Variants in LRP5 observed in about 807,000 individuals in gnomAD.
LRP5 encodes the protein LDL receptor related protein 5, also known as low-density lipoprotein receptor-related protein 5.
Under a neutral mutation model 154.1 loss-of-function variants are expected in LRP5, and 62 were observed. That is an observed-to-expected ratio of 0.40 (90% CI 0.33 to 0.50). LRP5 has a LOEUF of 0.50. Among genes scored for constraint, LRP5 ranks in the 20% least tolerant of loss-of-function variants. The probability of loss-of-function intolerance (pLI) is 0.55; values close to 1 mark genes in which losing one functional copy is unlikely to be tolerated. For missense variants in LRP5, 1,915 were observed against 2,336.7 expected (o/e 0.82, Z 3.72); for synonymous variants, 966 against 1,011.5 (o/e 0.96, Z 0.85).
chr11:68,317,661 C>T (rs1417502589), intron 1 of LRP5, among the ~76,000 whole-genome samples: 1 of 152,240 alleles, frequency 6.6e-6, no homozygotes, highest in Non-Finnish European at 1.5e-5. Flanking sequence ...CTGCCCATTC[C>T]CCAGCCCCAT....
chr11:68,313,772 T>A (rs1830088968), intron 1 of LRP5, among the ~76,000 whole-genome samples: 1 of 152,262 alleles, frequency 6.6e-6, no homozygotes, highest in South Asian at 2.1e-4. Context: ...GCTCCTGTTC[T>A]GTTTGTGGCA....
Position 68,354,049 on chromosome 11 carries a change from A to T in LRP5, c.489-3601A>T, listed in dbSNP as rs540649266. Among the ~76,000 whole-genome samples, 8 of 152,320 alleles carry T rather than the reference A, an allele frequency of 5.3e-5. No homozygotes were observed. The East Asian group carries it at 1.5e-3, about 29-fold the overall frequency. ...ATGGGAGGAGTCCCCGGCCTGTACC[A>T]GCCTGACAAGGGGCTGCAGTGGCCC... On this transcript the variant is annotated intron_variant, in intron 2 of 22. Coordinates refer to ENST00000294304, the MANE Select transcript of LRP5 (RefSeq NM_002335.4).
chr11:68,318,971 C>A (rs867945530), intron 1 of LRP5, among the ~76,000 whole-genome samples: 23 of 152,320 alleles, frequency 1.5e-4, no homozygotes, highest in African/African-American at 5.5e-4. Context: ...GTTTTTTCTC[C>A]CTTCAGGATC....
intron 1 of LRP5, among the ~76,000 whole-genome samples, chr11:68,325,047 C>T (rs145933278): frequency 3.9e-5 from 6 of 152,326 alleles, no homozygotes; most frequent in African/African-American, 1.4e-4. Context: ...GACCACAGAC[C>T]TCCTCCATCA....
chr11:68,304,864 G>GC, the LRP5 span, among the ~76,000 whole-genome samples: 1 of 152,214 alleles, frequency 6.6e-6, no homozygotes, highest in African/African-American at 2.4e-5. Context: ...TAATGCCTAT[G>GC]CCCCCATTGT....
At chr11:68,299,231 G>C in the LRP5 span, among the ~76,000 whole-genome samples, 2 of 152,194 alleles carry the variant, frequency 1.3e-5, no homozygotes, top group African/African-American at 4.8e-5. Context: ...TGGAGGGAAG[G>C]GGCACGTGGA....
chr11:68,427,571 T>G (rs746823642), intron 16 of LRP5, among the ~76,000 whole-genome samples: 9 of 151,718 alleles, frequency 5.9e-5, no homozygotes, highest in Non-Finnish European at 1.0e-4. Flanking sequence ...TCCCAGCTAC[T>G]GGGGAGGCTG....
rs375609680 is a variant in LRP5 at position 68,399,229 on chromosome 11, G to A, written c.1585-4254G>A. Reference sequence around the variant, plus strand: ...AAAAATATATATTTAAAAAGTATTGGGTGTGGTGGCTCACGCCTGTGGTCC... The same window carrying A: ...AAAAATATATATTTAAAAAGTATTGAGTGTGGTGGCTCACGCCTGTGGTCC... On this transcript the variant is annotated intron_variant, in intron 7 of 22. Transcript: ENST00000294304. Among the ~76,000 whole-genome samples, 3 of 151,834 alleles carry A rather than the reference G, an allele frequency of 2.0e-5. No homozygotes were observed. The South Asian group carries it at 6.2e-4, about 32-fold the overall frequency.
intron 1 of LRP5, among the ~76,000 whole-genome samples, chr11:68,329,009 T>G (rs1406899820): frequency 6.6e-6 from 1 of 152,120 alleles, no homozygotes; most frequent in Non-Finnish European, 1.5e-5. Flanking sequence ...TTCCCACACG[T>G]GTGCATGCAC....
chr11:68,425,617 G>A (rs943274512), intron 15 of LRP5, among the ~76,000 whole-genome samples: 1 of 152,234 alleles, frequency 6.6e-6, no homozygotes. Flanking sequence ...TAGGCTGCGA[G>A]GGCTGGAGAG....
At position 68,366,611 on chromosome 11, in the gene LRP5, G is replaced by A. The variant is rs538179453; in HGVS notation, c.1015+909G>A. Among the ~76,000 whole-genome samples, 12 of 152,246 alleles carry A rather than the reference G, an allele frequency of 7.9e-5. No individual in the cohort carries two copies. In the East Asian group the frequency reaches 1.9e-3, roughly 24 times the overall value. On this transcript the variant is annotated intron_variant, in intron 5 of 22. Coordinates refer to ENST00000294304, the MANE Select transcript of LRP5 (RefSeq NM_002335.4). ...CTCCCTGGCAGGGGTCCTGCGTTTG[G>A]TGAGGATTTTCCAGGTTTGTATTTG...
intron 21 of LRP5, among the ~76,000 whole-genome samples, chr11:68,441,716 C>T (rs546267036): frequency 1.3e-5 from 2 of 152,298 alleles, no homozygotes; most frequent in East Asian, 1.9e-4. Flanking sequence ...AGAGATGGCA[C>T]TGAGCAGCCA....
intron 12 of LRP5, among the ~76,000 whole-genome samples, chr11:68,415,680 A>G (rs765360045): frequency 3.0e-4 from 14 of 47,322 alleles, no homozygotes; most frequent in Middle Eastern, 0.012. Flanking sequence ...GGGAGGTGGA[A>G]GTTTCAAGTG....
chr11:68,391,182 T>C (rs2098646106), intron 7 of LRP5, among the ~76,000 whole-genome samples: 1 of 152,240 alleles, frequency 6.6e-6, no homozygotes, highest in African/African-American at 2.4e-5. Context: ...TTGGTCAGGC[T>C]GGTCTGGAAC....
intron 3 of LRP5, among the ~76,000 whole-genome samples, chr11:68,363,299 C>T (rs573412434): frequency 3.3e-5 from 5 of 152,232 alleles, no homozygotes; most frequent in Middle Eastern, 3.4e-3. Flanking sequence ...CTGTGCACGC[C>T]GGGAGAAATG....
chr11:68,441,486 C>T (rs1299073519), intron 21 of LRP5, among the ~76,000 whole-genome samples: 1 of 152,184 alleles, frequency 6.6e-6, no homozygotes, highest in Non-Finnish European at 1.5e-5. Context: ...TCTGGAGGCC[C>T]CAGGGCCTGG....
Position 68,363,936 on chromosome 11 carries a change from G to A in LRP5, c.876G>A (p.Gln292=), listed in dbSNP as rs759764117. ...MDIQVLSQER[Q]PFFHTRCEED... is the part of the protein sequence containing the mutation. ...TCCAGGTGCTGAGCCAGGAGCGGCA[G>A]CCTTTCTGTGAGTGCCGGCTGGGGC... Residue 292 remains glutamine (Q), a synonymous_variant, in exon 4 of 23, where the codon CAG becomes CAA. Coordinates refer to ENST00000294304, the MANE Select transcript of LRP5 (RefSeq NM_002335.4). 1 of 1,609,724 alleles carries A rather than the reference G, an allele frequency of 6.2e-7. No individual in the cohort carries two copies. The highest frequency in any genetic ancestry group is 8.5e-7 in the Non-Finnish European group (1 of 1,178,428).
intron 7 of LRP5, among the ~76,000 whole-genome samples, chr11:68,396,622 G>C (rs75845335): frequency 0.02 from 3,106 of 152,320 alleles, 72 homozygotes; most frequent in African/African-American, 0.049. Context: ...ACAGAGTGGA[G>C]CGGAGACGGC....
At chr11:68,378,940 C>T (rs1264760723) in intron 5 of LRP5, among the ~76,000 whole-genome samples, 2 of 151,574 alleles carry the variant, frequency 1.3e-5, no homozygotes, top group South Asian at 2.1e-4. Flanking sequence ...CCAGCTACTC[C>T]GGAGGCTGAG....
Sources: allele counts gnomAD v4.1 joint callset (sites outside exome capture counted in the v4.1 genomes callset), GRCh38; gene constraint gnomAD v4.1.1; transcripts MANE v1.5; gene names NCBI Gene and HGNC (gene_info 2026-07-23, HGNC 2026-07-21).